The following CNTN4 variants were observed in gnomAD, a reference collection of about 807,000 sequenced individuals.
CNTN4 encodes contactin 4, also known as contactin-4.
A neutral mutation model predicts 122.5 loss-of-function variants in CNTN4; 77 were observed. That is an observed-to-expected ratio of 0.63 (90% CI 0.52 to 0.76). CNTN4 has a LOEUF of 0.76. CNTN4 is among the 30% of genes least tolerant of loss of function. CNTN4 has a pLI of 0.00. For synonymous variants in CNTN4, 512 were observed against 447.0 expected, an observed-to-expected ratio of 1.15 and a Z score of -1.83; for missense variants, 1,256 against 1,259.1, an observed-to-expected ratio of 1.00 and a Z score of 0.04.
At chr3:2,816,572 C>T (rs2092735768) in intron 6 of CNTN4, among the ~76,000 whole-genome samples, 1 of 151,480 alleles carries the variant, frequency 6.6e-6, no homozygotes, top group Non-Finnish European at 1.5e-5. Context: ...CCTGTAATTC[C>T]AGCACTTTTG....
chr3:2,680,172 T>C (rs1046301954), intron 4 of CNTN4, among the ~76,000 whole-genome samples: 16 of 152,164 alleles, frequency 1.1e-4, no homozygotes, highest in African/African-American at 3.6e-4. Context: ...TAATATAAGC[T>C]AGACTATAAT....
chr3:3,049,094 G>A (rs1436390303), intron 23 of CNTN4, among the ~76,000 whole-genome samples: 1 of 152,100 alleles, frequency 6.6e-6, no homozygotes, highest in African/African-American at 2.4e-5. Context: ...TTATTTTGTT[G>A]TATTTTGAGA....
chr3:2,110,503 T>G (rs1231332090), intron 2 of CNTN4: 2 of 152,240 alleles, frequency 1.3e-5, no homozygotes, highest in Non-Finnish European at 2.9e-5. Flanking sequence ...TCCCATCCAG[T>G]GCAGCTGAAG....
At chr3:2,837,386 G>A (rs771210113) in intron 7 of CNTN4, among the ~76,000 whole-genome samples, 126 of 152,110 alleles carry the variant, frequency 8.3e-4, no homozygotes, top group Non-Finnish European at 1.6e-3. Flanking sequence ...TGCCTGGAGA[G>A]ATGGGTATCA....
At chr3:2,423,590 A>G (rs1022538737) in intron 3 of CNTN4, among the ~76,000 whole-genome samples, 4 of 151,934 alleles carry the variant, frequency 2.6e-5, no homozygotes, top group African/African-American at 9.7e-5. Context: ...AAGAGAAAAG[A>G]TGTTGATGAA....
chr3:2,899,912 CTATACAACATGTGGGAGTGAAG>C lies in CNTN4; in HGVS notation c.941-768_941-747del, dbSNP rs531576143. Among the ~76,000 whole-genome samples, 35 of 152,282 alleles carry C rather than the reference CTATACAACATGTGGGAGTGAAG, an allele frequency of 2.3e-4. No homozygotes were observed. The South Asian group carries it at 7.1e-3, about 31-fold the overall frequency. ...AGGAGAAAGGAATCATAAAATTGAT[CTATACAACATGTGGGAGTGAAG>C]TATATTAGTGAGGGACAAGCTAAGC... On this transcript the variant is annotated intron_variant, in intron 10 of 24. Transcript: ENST00000418658.
chr3:2,730,108 T>G (rs548239044), intron 4 of CNTN4, among the ~76,000 whole-genome samples: 3 of 152,238 alleles, frequency 2.0e-5, no homozygotes, highest in Non-Finnish European at 1.5e-5. Flanking sequence ...ACTGGAGGTG[T>G]TTCAGACTTT....
At chr3:2,109,632 CAAT>C (rs1433800755) in intron 2 of CNTN4, among the ~76,000 whole-genome samples, 6 of 152,114 alleles carry the variant, frequency 3.9e-5, no homozygotes, top group Non-Finnish European at 8.8e-5. Flanking sequence ...TCAAACAAAA[CAAT>C]GATATGACTC....
chr3:2,931,124 G>A (rs995022453), intron 13 of CNTN4, among the ~76,000 whole-genome samples: 12 of 152,138 alleles, frequency 7.9e-5, no homozygotes, highest in African/African-American at 1.2e-4. Context: ...TCAGGGTAGG[G>A]CAAGGTTGAG....
At position 2,412,998 on chromosome 3, in the gene CNTN4, T is replaced by C. The variant is rs1502589; in HGVS notation, c.-89+73765T>C. 4.7e-3 allele frequency among the ~76,000 whole-genome samples: 708 copies of C among 152,058 alleles called. 4 individuals are homozygous for C. Among genetic ancestry groups the C allele is most frequent in the African/African-American group, 0.016 (679 of 41,298 alleles). On this transcript the variant is annotated intron_variant, in intron 3 of 24. Coordinates refer to ENST00000418658, the MANE Select transcript of CNTN4 (RefSeq NM_175607.3). ...AGCACTCAATAAATGTTAACTGTTA[T>C]TGTTCCAAGTATGTACATTATTTTT...
intron 2 of CNTN4, among the ~76,000 whole-genome samples, chr3:2,262,946 A>G (rs1001233931): frequency 6.6e-6 from 1 of 152,128 alleles, no homozygotes; most frequent in Non-Finnish European, 1.5e-5. Context: ...TGTTATAGTC[A>G]CATTCCAAGC....
chr3:2,235,647 A>G (rs1005892330), intron 2 of CNTN4, among the ~76,000 whole-genome samples: 3 of 152,158 alleles, frequency 2.0e-5, no homozygotes, highest in Non-Finnish European at 4.4e-5. Context: ...AATGGTTACT[A>G]TGCCAACTAG....
In CNTN4 at chr3:3,037,220, G is replaced by C; in HGVS notation, c.1984G>C (p.Val662Leu). 6.2e-7 allele frequency: 1 copy of C among 1,614,198 alleles called. No individual in the cohort carries two copies. The highest frequency in any genetic ancestry group is 8.5e-7 in the Non-Finnish European group (1 of 1,180,030). The change falls in exon 18 of 25, where the codon GTG (valine) becomes CTG (leucine). Residue 662 changes from valine to leucine, a missense_variant. Transcript: ENST00000418658. ...IDGKTFTATV[V>L]GLNPWVEYEF... The stretch of plus-strand genomic sequence containing the variant: ...TGGGAAGACATTCACAGCGACCGTG[G>C]TGGGTTTGAACCCTTGGGTTGAATA...
chr3:2,366,785 G>GA (rs145782459), intron 3 of CNTN4, among the ~76,000 whole-genome samples: 3,755 of 151,124 alleles, frequency 0.025, 72 homozygotes, highest in Non-Finnish European at 0.04. Flanking sequence ...AAAGGGAGTG[G>GA]AAAAAAATCT....
intron 8 of CNTN4, among the ~76,000 whole-genome samples, chr3:2,877,712 G>T (rs531612575): frequency 4.5e-4 from 68 of 152,146 alleles, no homozygotes; most frequent in African/African-American, 1.6e-3. Context: ...ATCAATGTTC[G>T]CACTCTTTTA....
chr3:2,219,995 A>G (rs1030522067), intron 2 of CNTN4, among the ~76,000 whole-genome samples: 6 of 152,126 alleles, frequency 3.9e-5, no homozygotes, highest in African/African-American at 1.4e-4. Flanking sequence ...GTTCAGGTCA[A>G]ATGTTTAAAT....
At chr3:3,038,866 G>A (rs879398189) in intron 18 of CNTN4, 67 bp from the exon 19 acceptor site, 76 of 1,376,132 alleles carry the variant, frequency 5.5e-5, no homozygotes, top group Non-Finnish European at 7.5e-5. Flanking sequence ...ACCTCTGCCA[G>A]GCAACCTTCC....
chr3:2,540,427 G>C (rs1290561131), intron 3 of CNTN4, among the ~76,000 whole-genome samples: 1 of 152,046 alleles, frequency 6.6e-6, no homozygotes, highest in African/African-American at 2.4e-5. Flanking sequence ...GACTGAGAGA[G>C]TGGAGGCATG....
At chr3:2,188,670 C>T (rs996297827) in intron 2 of CNTN4, among the ~76,000 whole-genome samples, 1 of 152,132 alleles carries the variant, frequency 6.6e-6, no homozygotes, top group African/African-American at 2.4e-5. Flanking sequence ...TCTCAGGTAC[C>T]TGTGAACCAG....
Sources: allele counts gnomAD v4.1 joint callset (sites outside exome capture counted in the v4.1 genomes callset), GRCh38; gene constraint gnomAD v4.1.1; transcripts MANE v1.5; gene names NCBI Gene and HGNC (gene_info 2026-07-23, HGNC 2026-07-21).